Variants in TRPM3 observed in about 807,000 individuals in gnomAD.
TRPM3 encodes transient receptor potential cation channel subfamily M member 3.
In TRPM3, 77 loss-of-function variants were observed where a neutral mutation model predicts 181.2. That is an observed-to-expected ratio of 0.42 (90% confidence interval 0.35 to 0.51). TRPM3 has a LOEUF of 0.51. TRPM3 is among the 20% of genes least tolerant of loss of function. The pLI is 0.01. For synonymous variants in TRPM3, 745 were observed against 796.4 expected, an observed-to-expected ratio of 0.94 and a Z score of 1.09; for missense variants, 1,759 against 2,196.7, an observed-to-expected ratio of 0.80 and a Z score of 3.98.
Position 70,831,974 on chromosome 9 carries a change from TA to T in TRPM3, c.802-3957del, listed in dbSNP as rs1287436045. On this transcript the variant is annotated intron_variant, in intron 5 of 25. Coordinates refer to ENST00000677713, the MANE Select transcript of TRPM3 (RefSeq NM_001366145.2). ...TATGTACCCCATAAATATATATATA[TA>T]TATATATATATATATATATATACCT... is the stretch of plus-strand genomic sequence containing the variant. 1.4e-4 allele frequency among the ~76,000 whole-genome samples: 12 copies of T among 84,934 alleles called. 1 individual carries two copies. The highest frequency in any genetic ancestry group is 5.9e-4 in the African/African-American group (12 of 20,220). 55.7% of individuals were successfully genotyped at this position (84,934 alleles called of 152,430 possible).
At chr9:70,971,663 G>T (rs2097248710) in intron 1 of TRPM3, among the ~76,000 whole-genome samples, 1 of 152,104 alleles carries the variant, frequency 6.6e-6, no homozygotes, top group Non-Finnish European at 1.5e-5. Flanking sequence ...AGATAAATTT[G>T]TATTTTGGTT....
chr9:70,599,731 C>T (rs2059565327), intron 20 of TRPM3, among the ~76,000 whole-genome samples: 1 of 152,204 alleles, frequency 6.6e-6, no homozygotes, highest in Non-Finnish European at 1.5e-5. Flanking sequence ...ACTTTAGCTG[C>T]AGCTGACTTC....
intron 1 of TRPM3, among the ~76,000 whole-genome samples, chr9:71,401,579 T>C (rs1243792177): frequency 6.6e-5 from 10 of 152,178 alleles, no homozygotes; most frequent in Admixed American, 6.5e-4. Context: ...CTTGATGAGG[T>C]AGATGTCAAG....
chr9:70,544,655 C>A (rs114966056), intron 25 of TRPM3, among the ~76,000 whole-genome samples: 3 of 151,540 alleles, frequency 2.0e-5, no homozygotes, highest in Admixed American at 2.0e-4. Context: ...ATCAAACAAA[C>A]GATGGCCTAA....
At chr9:70,974,668 G>T (rs951899117) in intron 1 of TRPM3, among the ~76,000 whole-genome samples, 4 of 152,022 alleles carry the variant, frequency 2.6e-5, no homozygotes, top group South Asian at 4.2e-4. Context: ...GGCGGGGTTT[G>T]CAGTGAGCCG....
intron 5 of TRPM3, among the ~76,000 whole-genome samples, chr9:70,839,438 A>G (rs1279627253): frequency 3.9e-5 from 6 of 152,168 alleles, no homozygotes; most frequent in Admixed American, 3.9e-4. Context: ...CGCTAGTGCC[A>G]TCCTAAAGGG....
intron 12 of TRPM3, among the ~76,000 whole-genome samples, chr9:70,629,866 T>G (rs1260295199): frequency 1.3e-5 from 2 of 152,228 alleles, no homozygotes; most frequent in African/African-American, 2.4e-5. Context: ...ACTTTTACCT[T>G]TCTTACTAGG....
At chr9:71,298,094 GAA>G (rs11288806) in intron 1 of TRPM3, among the ~76,000 whole-genome samples, 1,640 of 142,488 alleles carry the variant, frequency 0.012, 25 homozygotes, top group East Asian at 0.077. Flanking sequence ...TCTGCCACCA[GAA>G]AAAAAAAAAA....
chr9:71,252,011 C>T (rs904260944), intron 1 of TRPM3, among the ~76,000 whole-genome samples: 13 of 152,100 alleles, frequency 8.5e-5, no homozygotes, highest in African/African-American at 2.7e-4. Flanking sequence ...CAGTTCCATC[C>T]GTGTTGTTGC....
chr9:70,621,326 T>C, intron 14 of TRPM3, 53 bp from the exon 15 acceptor site: 2 of 1,446,382 alleles, frequency 1.4e-6, no homozygotes, highest in Non-Finnish European at 1.9e-6. Context: ...CTTTCTTTCA[T>C]AAAGGTAAGA....
chr9:70,834,682 C>G (rs1270313250), intron 5 of TRPM3, among the ~76,000 whole-genome samples: 1 of 152,088 alleles, frequency 6.6e-6, no homozygotes, highest in Non-Finnish European at 1.5e-5. Context: ...GTAGAGAGGT[C>G]CACATGGCAA....
In TRPM3 at chr9:70,632,581, G is replaced by T. The variant is rs116424064; in HGVS notation, c.1632+2630C>A. 2.5e-3 allele frequency among the ~76,000 whole-genome samples: 376 copies of T among 152,188 alleles called. 2 individuals carry two copies. The highest frequency in any genetic ancestry group is 8.6e-3 in the African/African-American group (357 of 41,532). On this transcript the variant is annotated intron_variant, in intron 12 of 25. Coordinates refer to ENST00000677713, the MANE Select transcript of TRPM3 (RefSeq NM_001366145.2). ...TGGCAGTCTCTTTTTCCAGGTAAAA[G>T]GATAAATTATTTCTAGACCAGTTCA...
At chr9:70,923,871 C>CAT (rs1194397047) in intron 1 of TRPM3, among the ~76,000 whole-genome samples, 48 of 139,058 alleles carry the variant, frequency 3.5e-4, no homozygotes, top group African/African-American at 1.2e-3. Flanking sequence ...TATATATATA[C>CAT]ATATATATAC....
chr9:70,622,999 T>C (rs2133242413), intron 14 of TRPM3, among the ~76,000 whole-genome samples: 1 of 152,284 alleles, frequency 6.6e-6, no homozygotes, highest in African/African-American at 2.4e-5. Context: ...TTGTTAAATT[T>C]TAGGTATTTT....
Position 70,578,754 on chromosome 9 carries a change from T to C in TRPM3, c.3223+12277A>G, listed in dbSNP as rs370385735. Among the ~76,000 whole-genome samples, 165 of 152,360 alleles carry C rather than the reference T, an allele frequency of 1.1e-3. 3 individuals are homozygous for C. Among genetic ancestry groups the C allele is most frequent in the African/African-American group, 3.7e-3 (153 of 41,590 alleles). ...AAGTTGAGGCAACTACATTGTGTCA[T>C]CTCTTTCAGAAGCAATCAGGAGTTG... On this transcript the variant is annotated intron_variant, in intron 22 of 25. Transcript: ENST00000677713.
At chr9:71,390,082 CAT>C (rs1362726358) in intron 1 of TRPM3, among the ~76,000 whole-genome samples, 9 of 152,008 alleles carry the variant, frequency 5.9e-5, no homozygotes, top group Admixed American at 2.6e-4. Flanking sequence ...AGATATGACA[CAT>C]GAGTTAAATA....
At chr9:70,975,865 G>A (rs1410564985) in intron 1 of TRPM3, among the ~76,000 whole-genome samples, 1 of 152,164 alleles carries the variant, frequency 6.6e-6, no homozygotes, top group Non-Finnish European at 1.5e-5. Context: ...TCAAAGCCCA[G>A]GTCCCTCATC....
At chr9:71,379,377 A>G (rs541955497) in intron 1 of TRPM3, among the ~76,000 whole-genome samples, 2 of 152,186 alleles carry the variant, frequency 1.3e-5, no homozygotes, top group South Asian at 2.1e-4. Flanking sequence ...ATTGCTTCAC[A>G]ATCCTTTAGC....
intron 1 of TRPM3, among the ~76,000 whole-genome samples, chr9:71,419,759 T>G (rs1014180757): frequency 2.0e-4 from 30 of 151,946 alleles, no homozygotes; most frequent in Non-Finnish European, 4.4e-5. Flanking sequence ...TTAAAACAGT[T>G]GAAATACACT....
Sources: gnomAD v4.1 joint callset for allele counts (sites outside exome capture counted in the v4.1 genomes callset) on GRCh38, gnomAD v4.1.1 for gene constraint, MANE v1.5 for transcripts, NCBI Gene and HGNC (gene_info 2026-07-23, HGNC 2026-07-21) for gene names.